MTMR3: variants seen among roughly 807,000 people sequenced by gnomAD.
The protein encoded by MTMR3 is myotubularin related protein 3, also known as phosphatidylinositol-3,5-bisphosphate 3-phosphatase MTMR3.
Under a neutral mutation model 132.4 loss-of-function variants are expected in MTMR3, and 32 were observed. The ratio of observed to expected loss-of-function variants is 0.24; its 90% confidence interval spans 0.18 to 0.32. The LOEUF is 0.32. Among genes scored for constraint, MTMR3 ranks in the 10% least tolerant of loss-of-function variants. The pLI is 1.00. For missense variants in MTMR3, 1,216 were observed against 1,489.6 expected, an observed-to-expected ratio of 0.82 and a Z score of 3.02; for synonymous variants, 556 against 550.3, an observed-to-expected ratio of 1.01 and a Z score of -0.14.
chr22:29,957,052 T>A lies in MTMR3; in HGVS notation c.-121T>A, dbSNP rs1261542386. 6.6e-6 allele frequency: 1 copy of A among 152,280 alleles called. No homozygotes were observed. The highest frequency in any genetic ancestry group is 1.5e-5 in the Non-Finnish European group (1 of 68,022). The allele number at this position is 152,280 out of a possible 1,614,324, so 9.4% of individuals were successfully genotyped here. A position where few individuals can be genotyped will look rare whatever the true frequency, so the allele number is the denominator to read the frequency against. On this transcript the variant is annotated 5_prime_UTR_variant, in exon 2 of 20. Transcript: ENST00000401950. ...CTTTTGCAGACTTCCTTGTGAAACC[T>A]CCTAGTAGAAAAAGTTCTTGGGACA... is the stretch of plus-strand genomic sequence containing the variant.
intron 14 of MTMR3, chr22:30,016,289 A>G (rs1038869212): frequency 6.6e-6 from 3 of 454,926 alleles, no homozygotes; most frequent in Admixed American, 4.0e-5. Flanking sequence ...ATCTCAGACT[A>G]TTTATCACGG....
chr22:29,956,451 T>G (rs1261533064), intron 1 of MTMR3, among the ~76,000 whole-genome samples: 1 of 152,052 alleles, frequency 6.6e-6, no homozygotes, highest in Non-Finnish European at 1.5e-5. Flanking sequence ...TTTGCCATGT[T>G]CACCAGGCTG....
intron 1 of MTMR3, among the ~76,000 whole-genome samples, chr22:29,883,763 T>C (rs1442952134): frequency 6.6e-6 from 1 of 152,176 alleles, no homozygotes; most frequent in African/African-American, 2.4e-5. Context: ...CTGCCGGGTC[T>C]GTGGCGGTCC....
At chr22:30,017,788 C>A in intron 15 of MTMR3, 139 bp from the exon 16 acceptor site, 2 of 1,031,736 alleles carry the variant, frequency 1.9e-6, no homozygotes, top group Non-Finnish European at 2.9e-6. Context: ...GACCTGTATC[C>A]ATTGGTGCTG....
intron 5 of MTMR3, 77 bp from the exon 6 acceptor site, chr22:29,988,403 G>A: frequency 9.7e-7 from 1 of 1,029,454 alleles, no homozygotes; most frequent in Non-Finnish European, 1.4e-6. Flanking sequence ...TTTTTAATTA[G>A]TCTTGTTGGA....
chr22:29,990,676 T>A (rs2066944435), intron 6 of MTMR3: 1 of 152,110 alleles, frequency 6.6e-6, no homozygotes, highest in Admixed American at 6.6e-5. Context: ...TACCTCCCTG[T>A]TTCAAGTGAT....
rs2065007830 is a variant in MTMR3 at position 29,901,871 on chromosome 22, G to C, written c.-138+18512G>C. ...CTAATGTATTTTGAGATTCATCCAT[G>C]TTTTTATGTATCAGTAATTACTTTC... On this transcript the variant is annotated intron_variant, in intron 1 of 19. Transcript: ENST00000401950. 3.3e-5 allele frequency among the ~76,000 whole-genome samples: 5 copies of C among 152,066 alleles called. No individual in the cohort carries two copies. In the South Asian group the frequency reaches 1.0e-3, roughly 31 times the overall value.
At chr22:29,998,457 A>G (rs958865411) in intron 7 of MTMR3, 52 of 165,766 alleles carry the variant, frequency 3.1e-4, no homozygotes, top group African/African-American at 7.2e-5. Flanking sequence ...AGCCTGGCCC[A>G]TGTGGTAAAA....
intron 9 of MTMR3, chr22:30,004,539 GT>G (rs779307964): frequency 2.0e-5 from 3 of 152,170 alleles, no homozygotes; most frequent in African/African-American, 4.8e-5. Flanking sequence ...TGCACCCTAG[GT>G]TTTCCCCCCC....
intron 12 of MTMR3, 133 bp from the exon 13 acceptor site, chr22:30,012,235 T>A: frequency 4.5e-6 from 4 of 886,532 alleles, no homozygotes; most frequent in Non-Finnish European, 6.8e-6. Flanking sequence ...AACACACAGA[T>A]TTTTTTGTTT....
intron 1 of MTMR3, among the ~76,000 whole-genome samples, chr22:29,890,762 G>A (rs985699598): frequency 3.9e-5 from 6 of 152,094 alleles, no homozygotes; most frequent in Non-Finnish European, 8.8e-5. Context: ...TTAACTCTTC[G>A]GAGGGAGCTG....
intron 19 of MTMR3, chr22:30,024,256 A>G: frequency 6.6e-6 from 1 of 152,402 alleles, no homozygotes; most frequent in Non-Finnish European, 1.5e-5. Flanking sequence ...CCAAGATCGC[A>G]CCATTGCACT....
chr22:29,923,901 T>C (rs879844015), intron 1 of MTMR3, among the ~76,000 whole-genome samples: 6 of 152,148 alleles, frequency 3.9e-5, no homozygotes, highest in Non-Finnish European at 5.9e-5. Context: ...GTGAATTGGA[T>C]TGGTTTTTGT....
chr22:29,899,783 G>C (rs913322207), intron 1 of MTMR3: 4 of 152,188 alleles, frequency 2.6e-5, no homozygotes, highest in African/African-American at 9.6e-5. Context: ...GAGGACAGGG[G>C]AGATTGTAGG....
In MTMR3 at chr22:30,019,593, G is replaced by A. The variant is rs377697724; in HGVS notation, c.1934G>A (p.Arg645Gln). ...PSLNEKWQEH[R>Q]RSLELSSLAG... ...CTGAACGAGAAGTGGCAGGAGCACCGGCGCTCACTAGAGCTGAGCAGCCTG... is the reference window on the plus strand; with the variant it reads ...CTGAACGAGAAGTGGCAGGAGCACCAGCGCTCACTAGAGCTGAGCAGCCTG... The change falls in exon 17 of 20, where the codon CGG becomes CAG. Residue 645 changes from arginine to glutamine, a missense_variant. By Grantham distance (43) the Arg-to-Gln change is conservative (BLOSUM62 1). Around this residue, in one of 7 missense-constraint regions of MTMR3, gnomAD observed 852 missense variants for 852.0 expected, o/e 1.00. Transcript: ENST00000401950. The A allele has an allele frequency of 2.0e-5, 32 of 1,613,636 alleles. No individual in the cohort carries two copies. Among genetic ancestry groups the A allele is most frequent in the African/African-American group, 5.3e-5 (4 of 74,928 alleles).
intron 1 of MTMR3, among the ~76,000 whole-genome samples, chr22:29,944,858 T>C (rs1309888891): frequency 6.6e-6 from 1 of 152,222 alleles, no homozygotes; most frequent in Admixed American, 6.5e-5. Flanking sequence ...TTTACTTTTA[T>C]ATTTGCTAAA....
intron 1 of MTMR3, among the ~76,000 whole-genome samples, chr22:29,915,706 G>T (rs532437678): frequency 6.6e-6 from 1 of 152,278 alleles, no homozygotes. Context: ...TTACAGGTGT[G>T]AGCCACTGCG....
chr22:29,904,938 G>T (rs1390242678), intron 1 of MTMR3, among the ~76,000 whole-genome samples: 1 of 152,130 alleles, frequency 6.6e-6, no homozygotes, highest in Non-Finnish European at 1.5e-5. Context: ...ACCAGTGTTG[G>T]AGGAAAACTT....
chr22:29,909,223 T>G (rs1257488615), intron 1 of MTMR3, among the ~76,000 whole-genome samples: 1 of 152,200 alleles, frequency 6.6e-6, no homozygotes, highest in Non-Finnish European at 1.5e-5. Flanking sequence ...AGAAATATGT[T>G]ACTTTTTTTG....
Sources: gnomAD v4.1 joint callset for allele counts (sites outside exome capture counted in the v4.1 genomes callset) on GRCh38, gnomAD v4.1.1 for gene constraint, gnomAD v4.1.1 regional missense constraint, MANE v1.5 for transcripts, NCBI Gene and HGNC (gene_info 2026-07-23, HGNC 2026-07-21) for gene names.